ABHD17B: variants seen among roughly 807,000 people sequenced by gnomAD.
ABHD17B encodes alpha/beta hydrolase domain-containing protein 17B.
Under a neutral mutation model 26.2 loss-of-function variants are expected in ABHD17B, and 9 were observed. The observed-to-expected ratio is 0.34, with a 90% CI of 0.21 to 0.60. The LOEUF (loss-of-function observed/expected upper bound fraction) is 0.60. Ranked by LOEUF, ABHD17B falls within the 20% of genes least tolerant of loss-of-function variation. The probability of loss-of-function intolerance (pLI) is 0.80; values close to 1 mark genes in which losing one functional copy is unlikely to be tolerated. For synonymous variants in ABHD17B, 127 were observed against 122.3 expected (o/e 1.04, Z -0.25); for missense variants, 224 against 352.1 (o/e 0.64, Z 2.91).
rs748605217 is a variant in ABHD17B, at chr9:71,874,983, G to C, written c.98C>G (p.Pro33Arg). 6.2e-7 allele frequency: 1 copy of C among 1,614,168 alleles called. No individual in the cohort carries two copies. Among genetic ancestry groups the C allele is most frequent in the Admixed American group, 1.7e-5 (1 of 60,018 alleles). ...ASKLAFLPPD[P>R]TYTLMCDESG... ...TTCATCACACATCAGTGTGTAAGTT[G>C]GATCAGGTGGCAAAAACGCTAATTT... The change falls in exon 2 of 4, where the codon CCA becomes CGA. Residue 33 changes from proline to arginine, a missense_variant. By Grantham distance (103) the Pro-to-Arg change is moderately radical. Coordinates refer to ENST00000333421, the MANE Select transcript of ABHD17B (RefSeq NM_001025780.3).
intron 2 of ABHD17B, 78 bp from the exon 3 acceptor site, chr9:71,870,340 G>T: frequency 2.3e-6 from 3 of 1,320,452 alleles, no homozygotes; most frequent in Non-Finnish European, 2.0e-6. Flanking sequence ...CAAAGGATTT[G>T]ATCTTAGAAT....
At chr9:71,885,295 A>AT (rs776575997) in intron 1 of ABHD17B, among the ~76,000 whole-genome samples, 20 of 151,868 alleles carry the variant, frequency 1.3e-4, no homozygotes, top group Non-Finnish European at 2.8e-4. Context: ...AAAAATAATA[A>AT]TAATTAATAT....
chr9:71,908,279 C>A (rs1034165212), intron 1 of ABHD17B, among the ~76,000 whole-genome samples: 1 of 151,472 alleles, frequency 6.6e-6, no homozygotes, highest in African/African-American at 2.4e-5. Context: ...GTAATCCCAG[C>A]TACTCAGGAG....
intron 1 of ABHD17B, among the ~76,000 whole-genome samples, chr9:71,910,263 A>C (rs1331272748): frequency 2.0e-5 from 3 of 152,138 alleles, no homozygotes; most frequent in Non-Finnish European, 4.4e-5. Flanking sequence ...TCATCCACTG[A>C]GAGAAAAGCA....
chr9:71,876,460 T>C (rs1439762869), intron 1 of ABHD17B, among the ~76,000 whole-genome samples: 1 of 152,192 alleles, frequency 6.6e-6, no homozygotes, highest in Non-Finnish European at 1.5e-5. Flanking sequence ...AAAGTAATAC[T>C]TGTTAGTTCT....
intron 3 of ABHD17B, among the ~76,000 whole-genome samples, chr9:71,867,578 C>T (rs922462087): frequency 2.6e-5 from 4 of 152,034 alleles, no homozygotes; most frequent in East Asian, 1.9e-4. Context: ...AAGTGATGAA[C>T]GAAACCAATT....
At chr9:71,883,689 C>T (rs768943550) in intron 1 of ABHD17B, among the ~76,000 whole-genome samples, 1 of 152,186 alleles carries the variant, frequency 6.6e-6, no homozygotes, top group Non-Finnish European at 1.5e-5. Flanking sequence ...GTAATCCTAG[C>T]ACTTTGGGAG....
intron 1 of ABHD17B, among the ~76,000 whole-genome samples, chr9:71,904,064 C>T (rs188780499): frequency 6.5e-4 from 99 of 152,358 alleles, no homozygotes; most frequent in Non-Finnish European, 1.1e-3. Context: ...ATTGCTAATA[C>T]TCTCACTGAC....
intron 1 of ABHD17B, among the ~76,000 whole-genome samples, chr9:71,876,637 A>AG: frequency 6.6e-6 from 1 of 152,196 alleles, no homozygotes; most frequent in South Asian, 2.1e-4. Context: ...ATATAAGAAT[A>AG]GGGGGAAAAA....
chr9:71,863,875 C>T (rs1825885887), downstream of ABHD17B, among the ~76,000 whole-genome samples: 1 of 152,140 alleles, frequency 6.6e-6, no homozygotes, highest in Non-Finnish European at 1.5e-5. Context: ...CCTTTTCCAA[C>T]TTGGCAAATA....
At chr9:71,887,680 A>G (rs1232731835) in intron 1 of ABHD17B, among the ~76,000 whole-genome samples, 2 of 152,184 alleles carry the variant, frequency 1.3e-5, no homozygotes, top group Non-Finnish European at 2.9e-5. Context: ...GACAATCCAG[A>G]ACAAACAGTT....
intron 3 of ABHD17B, among the ~76,000 whole-genome samples, chr9:71,869,626 G>A (rs1218944951): frequency 6.6e-6 from 1 of 152,032 alleles, no homozygotes; most frequent in Non-Finnish European, 1.5e-5. Flanking sequence ...TCTTTTGTAA[G>A]TTAGGTATCA....
chr9:71,877,113 T>A (rs1282316629), intron 1 of ABHD17B, among the ~76,000 whole-genome samples: 1 of 152,146 alleles, frequency 6.6e-6, no homozygotes, highest in African/African-American at 2.4e-5. Context: ...ATTAGTGATG[T>A]TTACTATAGA....
At chr9:71,864,169 T>G (rs1825892502), downstream of ABHD17B, among the ~76,000 whole-genome samples, 1 of 151,520 alleles carries the variant, frequency 6.6e-6, no homozygotes, top group South Asian at 2.1e-4. Context: ...ATGCCATCTG[T>G]AATTGTGTTC....
At chr9:71,873,416 T>A (rs1031331401) in intron 2 of ABHD17B, among the ~76,000 whole-genome samples, 5 of 152,148 alleles carry the variant, frequency 3.3e-5, no homozygotes, top group Non-Finnish European at 5.9e-5. Flanking sequence ...TCTTTTTTTT[T>A]AAACAGAGTC....
chr9:71,862,705 A>C (rs1000590999), downstream of ABHD17B: 38 of 1,028 alleles, frequency 0.037, 1 homozygote, highest in South Asian at 0.41. Flanking sequence ...CACTCTTAAG[A>C]TTTTGTCATG....
chr9:71,874,544 T>C (rs1826203583), intron 2 of ABHD17B, 70 bp downstream of exon 2: 2 of 1,305,138 alleles, frequency 1.5e-6, no homozygotes, highest in Non-Finnish European at 2.1e-6. Context: ...CAGCTTTTAT[T>C]CTATTCTTAC....
At chr9:71,881,709 A>G (rs1589218784) in intron 1 of ABHD17B, among the ~76,000 whole-genome samples, 1 of 152,130 alleles carries the variant, frequency 6.6e-6, no homozygotes, top group African/African-American at 2.4e-5. Context: ...ACATGGTGAA[A>G]CCCTGCCTCT....
intron 1 of ABHD17B, among the ~76,000 whole-genome samples, chr9:71,875,289 A>G (rs1829954): frequency 0.95 from 143,889 of 151,478 alleles, 68,803 homozygotes; most frequent in East Asian, 1. Context: ...GCAATGGCGC[A>G]ATCTCAGCTC....
Sources: allele counts gnomAD v4.1 joint callset (sites outside exome capture counted in the v4.1 genomes callset), GRCh38; gene constraint gnomAD v4.1.1; transcripts MANE v1.5; gene names NCBI Gene and HGNC (gene_info 2026-07-23, HGNC 2026-07-21).